Variants in PAX8 observed in about 807,000 individuals in gnomAD.
PAX8 encodes paired box 8.
Under a neutral mutation model 52.4 loss-of-function variants are expected in PAX8, and 15 were observed. The ratio of observed to expected loss-of-function variants is 0.29; its 90% CI spans 0.19 to 0.44. The LOEUF (loss-of-function observed/expected upper bound fraction) is 0.44. PAX8 is among the 20% of genes least tolerant of loss of function. The pLI, the probability that PAX8 is intolerant of heterozygous loss-of-function variation, is 1.00. For synonymous variants in PAX8, 284 were observed against 249.7 expected, an observed-to-expected ratio of 1.14 and a Z score of -1.29; for missense variants, 554 against 602.5, an observed-to-expected ratio of 0.92 and a Z score of 0.84.
rs911200562 is a variant in PAX8 at position 113,254,914 on chromosome 2, C to T, written c.26-7995G>A. Among the ~76,000 whole-genome samples the T allele has an allele frequency of 9.9e-5, 15 of 152,142 alleles. 1 individual carries two copies. Among genetic ancestry groups the T allele is most frequent in the African/African-American group, 3.6e-4 (15 of 41,422 alleles). Reference sequence around the variant, plus strand: ...CCCTCCTACAGAAAGTCTTCCCTGGCTTTCCCTGCCTGCTCTCTTTGGTCC... The same window carrying T: ...CCCTCCTACAGAAAGTCTTCCCTGGTTTTCCCTGCCTGCTCTCTTTGGTCC... On this transcript the variant is annotated intron_variant, in intron 2 of 11. Coordinates refer to ENST00000429538, the MANE Select transcript of PAX8 (RefSeq NM_003466.4).
At chr2:113,254,554 G>A (rs1252699929) in intron 2 of PAX8, among the ~76,000 whole-genome samples, 1 of 152,106 alleles carries the variant, frequency 6.6e-6, no homozygotes, top group Non-Finnish European at 1.5e-5. Context: ...CCCAGCTCGG[G>A]AGCAACACAT....
At chr2:113,231,854 G>A (rs184558306) in intron 9 of PAX8, among the ~76,000 whole-genome samples, 2 of 152,066 alleles carry the variant, frequency 1.3e-5, no homozygotes, top group Admixed American at 6.5e-5. Context: ...TCAGCCTCCC[G>A]AGTAGCTGGG....
At chr2:113,261,683 C>T (rs1199444567) in intron 2 of PAX8, among the ~76,000 whole-genome samples, 5 of 152,202 alleles carry the variant, frequency 3.3e-5, no homozygotes, top group African/African-American at 9.6e-5. Flanking sequence ...AGAACCTCAG[C>T]GTTCTGACCT....
rs556380220 is a variant in PAX8, at chr2:113,252,056, C to T, written c.26-5137G>A. Among the ~76,000 whole-genome samples, 6 of 152,344 alleles carry T rather than the reference C, an allele frequency of 3.9e-5. 1 individual carries two copies. The South Asian group carries it at 1.0e-3, about 26-fold the overall frequency. On this transcript the variant is annotated intron_variant, in intron 2 of 11. Transcript: ENST00000429538. ...CCAAATCCCATGCTTCAGTACTTTC[C>T]TCTTTATCCTTTTGCTTTATCTTTT...
intron 11 of PAX8, among the ~76,000 whole-genome samples, chr2:113,218,985 GTCT>G (rs1300391541): frequency 6.6e-6 from 1 of 152,172 alleles, no homozygotes; most frequent in African/African-American, 2.4e-5. Flanking sequence ...AGGACAGAGA[GTCT>G]TCTTTCTTAA....
At chr2:113,242,979 A>G (rs1317276924) in intron 4 of PAX8, among the ~76,000 whole-genome samples, 4 of 152,182 alleles carry the variant, frequency 2.6e-5, no homozygotes, top group African/African-American at 9.7e-5. Flanking sequence ...TGGTACCATC[A>G]GTCACTCAAG....
At chr2:113,276,965 C>T (rs908428592) in intron 2 of PAX8, among the ~76,000 whole-genome samples, 1 of 152,206 alleles carries the variant, frequency 6.6e-6, no homozygotes, top group Non-Finnish European at 1.5e-5. Context: ...CACGGTTTGG[C>T]TAAAGATTAA....
intron 2 of PAX8, among the ~76,000 whole-genome samples, chr2:113,262,301 C>T (rs1692743336): frequency 6.6e-6 from 1 of 152,176 alleles, no homozygotes; most frequent in Non-Finnish European, 1.5e-5. Context: ...CAGGTGTGAG[C>T]CACCATGACT....
At chr2:113,229,925 C>T (rs557079949) in intron 9 of PAX8, among the ~76,000 whole-genome samples, 2 of 152,282 alleles carry the variant, frequency 1.3e-5, no homozygotes, top group South Asian at 4.1e-4. Context: ...TCTTCCCTCC[C>T]TACCTCTTCC....
chr2:113,249,038 C>G (rs993898422), intron 2 of PAX8, among the ~76,000 whole-genome samples: 1 of 152,244 alleles, frequency 6.6e-6, no homozygotes, highest in Non-Finnish European at 1.5e-5. Context: ...AGGAAAAGCC[C>G]TCTGGCCAAA....
At chr2:113,276,114 A>G (rs1194760325) in intron 2 of PAX8, 1 of 143,682 alleles carries the variant, frequency 7.0e-6, no homozygotes, top group Non-Finnish European at 1.6e-5. Context: ...GCCTGGGGAA[A>G]AGGGGGAACC....
Position 113,272,155 on chromosome 2 carries a change from G to A in PAX8, c.25+6215C>T, listed in dbSNP as rs1394447810. 2.0e-5 allele frequency: 3 copies of A among 152,102 alleles called. No homozygotes were observed. The East Asian group carries it at 5.8e-4, about 29-fold the overall frequency. 9.4% of individuals were successfully genotyped at this position (152,102 alleles called of 1,614,324 possible). On this transcript the variant is annotated intron_variant, in intron 2 of 11. Transcript: ENST00000429538. ...AAACAGAACCCAAGTATCCTTCGGG[G>A]ACTCTTGGACTTTCTTCCCCTTGAT...
intron 9 of PAX8, 149 bp from the exon 10 acceptor site, chr2:113,227,405 T>A: frequency 1.5e-6 from 1 of 682,794 alleles, no homozygotes; most frequent in Non-Finnish European, 2.6e-6. Flanking sequence ...CCACTCCTCA[T>A]CTGAGCCCAA....
chr2:113,272,843 C>A (rs1036310185), intron 2 of PAX8: 9 of 152,198 alleles, frequency 5.9e-5, no homozygotes, highest in African/African-American at 2.2e-4. Context: ...GCATATTCTC[C>A]TCTCTTAGAG....
chr2:113,245,090 A>G (rs576183542), intron 3 of PAX8, among the ~76,000 whole-genome samples: 5 of 149,472 alleles, frequency 3.3e-5, no homozygotes, highest in Non-Finnish European at 7.4e-5. Flanking sequence ...TCTGTCACCC[A>G]GGCTAGAATG....
intron 8 of PAX8, 88 bp from the exon 9 acceptor site, chr2:113,235,670 G>A: frequency 8.7e-7 from 1 of 1,144,310 alleles, no homozygotes; most frequent in African/African-American, 1.5e-5. Flanking sequence ...GATGTGGAGG[G>A]TGCGGGCGGG....
chr2:113,278,236 G>T lies in PAX8; in HGVS notation c.25+134C>A, dbSNP rs531590502. ...TCCAGCGGAGGGCCAGGCCCCAGGC[G>T]CCCCAGCTGGGTCCCCACGCGGGTG... On this transcript the variant is annotated intron_variant, in intron 2 of 11. Transcript: ENST00000429538. The T allele has an allele frequency of 9.6e-4, 646 of 672,578 alleles. 5 individuals carry two copies. In the African/African-American group the frequency reaches 0.011, roughly 11 times the overall value. The allele number at this position is 672,578 out of a possible 1,614,324, so 41.7% of individuals were successfully genotyped here.
chr2:113,265,622 T>C (rs1426941554), intron 2 of PAX8: 3 of 152,172 alleles, frequency 2.0e-5, no homozygotes, highest in Non-Finnish European at 4.4e-5. Flanking sequence ...TGCTCAGCAT[T>C]TTGTGTCTAT....
At chr2:113,255,333 A>G (rs1338514476) in intron 2 of PAX8, 1 of 145,760 alleles carries the variant, frequency 6.9e-6, no homozygotes, top group Non-Finnish European at 1.5e-5. Flanking sequence ...AGGCAGATCT[A>G]CAAGTCTAGT....
Sources: allele counts gnomAD v4.1 joint callset (sites outside exome capture counted in the v4.1 genomes callset), GRCh38; gene constraint gnomAD v4.1.1; transcripts MANE v1.5; gene names NCBI Gene and HGNC (gene_info 2026-07-23, HGNC 2026-07-21).